Variants in CTNNBL1 observed in about 807,000 individuals in gnomAD.
The protein encoded by CTNNBL1 is beta-catenin-like protein 1.
In CTNNBL1, 31 loss-of-function variants were observed where a neutral mutation model predicts 72.7. The observed-to-expected ratio is 0.43, with a 90% CI of 0.32 to 0.58. CTNNBL1 has a LOEUF of 0.58. Ranked by LOEUF, CTNNBL1 falls within the 20% of genes least tolerant of loss-of-function variation. CTNNBL1 has a pLI of 0.08. For synonymous variants in CTNNBL1, 240 were observed against 267.3 expected (o/e 0.90, Z 1.00); for missense variants, 534 against 725.1 (o/e 0.74, Z 3.03).
intron 1 of CTNNBL1, among the ~76,000 whole-genome samples, chr20:37,728,849 G>A (rs2073106759): frequency 6.6e-6 from 1 of 152,164 alleles, no homozygotes; most frequent in Non-Finnish European, 1.5e-5. Context: ...TGTGTGTGAG[G>A]GAGGAGGTTG....
chr20:37,761,189 A>C (rs2073414546), intron 5 of CTNNBL1, among the ~76,000 whole-genome samples: 1 of 152,208 alleles, frequency 6.6e-6, no homozygotes, highest in Non-Finnish European at 1.5e-5. Context: ...GAGGTGTCCC[A>C]GCCAACAGAG....
At chr20:37,850,807 G>T (rs2072389791) in intron 13 of CTNNBL1, among the ~76,000 whole-genome samples, 1 of 152,196 alleles carries the variant, frequency 6.6e-6, no homozygotes. Flanking sequence ...GACCCGAGTG[G>T]AGGCTTCAGG....
intron 13 of CTNNBL1, among the ~76,000 whole-genome samples, chr20:37,856,628 C>T (rs773339237): frequency 2.0e-5 from 3 of 150,576 alleles, no homozygotes; most frequent in African/African-American, 7.5e-5. Flanking sequence ...TCACACAACG[C>T]GAAGACCATA....
intron 13 of CTNNBL1, among the ~76,000 whole-genome samples, chr20:37,857,962 G>A (rs2072457561): frequency 6.6e-6 from 1 of 152,240 alleles, no homozygotes; most frequent in Middle Eastern, 3.4e-3. Context: ...AGGCCAAGGC[G>A]GGAGGATCAC....
chr20:37,816,899 A>T (rs896616878), intron 11 of CTNNBL1, among the ~76,000 whole-genome samples: 2 of 152,094 alleles, frequency 1.3e-5, no homozygotes, highest in African/African-American at 4.8e-5. Context: ...AATGTTTGCT[A>T]GCCTAGTTAA....
chr20:37,737,067 CA>C (rs1453081638), intron 2 of CTNNBL1, among the ~76,000 whole-genome samples: 1 of 151,672 alleles, frequency 6.6e-6, no homozygotes, highest in Non-Finnish European at 1.5e-5. Context: ...ACTAAAAATA[CA>C]AAAAAATTAG....
At chr20:37,795,572 G>T (rs2073765989) in intron 10 of CTNNBL1, among the ~76,000 whole-genome samples, 1 of 152,134 alleles carries the variant, frequency 6.6e-6, no homozygotes, top group Admixed American at 6.5e-5. Flanking sequence ...ATTTTGGACA[G>T]TTTCTGTCAT....
intron 10 of CTNNBL1, among the ~76,000 whole-genome samples, chr20:37,789,236 G>A (rs2073703822): frequency 6.6e-6 from 1 of 152,240 alleles, no homozygotes; most frequent in Non-Finnish European, 1.5e-5. Flanking sequence ...AAGGCGGAGA[G>A]GACCAGAGTC....
intron 10 of CTNNBL1, among the ~76,000 whole-genome samples, chr20:37,793,493 T>G (rs758157167): frequency 1.3e-5 from 2 of 152,232 alleles, no homozygotes; most frequent in Admixed American, 1.3e-4. Flanking sequence ...CCTTCTGTTA[T>G]GAACTAAACT....
At chr20:37,807,465 G>A (rs533195201) in intron 11 of CTNNBL1, among the ~76,000 whole-genome samples, 7 of 152,264 alleles carry the variant, frequency 4.6e-5, no homozygotes, top group Admixed American at 4.6e-4. Flanking sequence ...ATAACTGTGG[G>A]CAAATGGGCA....
intron 15 of CTNNBL1, among the ~76,000 whole-genome samples, chr20:37,866,991 G>T (rs182816615): frequency 3.4e-4 from 52 of 152,280 alleles, no homozygotes; most frequent in African/African-American, 1.2e-3. Context: ...AAACATCCAT[G>T]GGACTCTGAG....
At chr20:37,747,366 G>A (rs982290522) in intron 4 of CTNNBL1, among the ~76,000 whole-genome samples, 3 of 131,188 alleles carry the variant, frequency 2.3e-5, no homozygotes, top group East Asian at 2.1e-4. Flanking sequence ...CAGAGTGAGT[G>A]GGACTCCATC....
At chr20:37,751,461 C>G (rs2073319248) in intron 4 of CTNNBL1, 1 of 152,154 alleles carries the variant, frequency 6.6e-6, no homozygotes, top group African/African-American at 2.4e-5. Context: ...TTCCAAATGA[C>G]TGTTTAGTTT....
Position 37,803,012 on chromosome 20 carries a change from A to T in CTNNBL1, c.1177A>T (p.Ile393Phe), listed in dbSNP as rs1308871827. ...FPLFMKSPRK[I>F]KKVGTTEKEH... ...CCTCTTTATGAAATCTCCCAGGAAG[A>T]TCAAGAAAGTGGGAACCACTGAGAA... Residue 393 changes from isoleucine (I) to phenylalanine (F), a missense_variant, in exon 11 of 16, where the codon ATC becomes TTC. Ile to Phe is a conservative substitution (Grantham distance 21). Transcript: ENST00000361383. 5.0e-6 allele frequency: 8 copies of T among 1,613,996 alleles called. No homozygotes were observed. The highest frequency in any genetic ancestry group is 6.8e-6 in the Non-Finnish European group (8 of 1,180,008).
Position 37,796,539 on chromosome 20 carries a change from T to A in CTNNBL1, c.1032-6328T>A, listed in dbSNP as rs149109952. Among the ~76,000 whole-genome samples, 1,160 of 152,098 alleles carry A rather than the reference T, an allele frequency of 7.6e-3. 15 individuals carry two copies. The highest frequency in any genetic ancestry group is 0.026 in the South Asian group (127 of 4,814). On this transcript the variant is annotated intron_variant, in intron 10 of 15. Transcript: ENST00000361383. The stretch of plus-strand genomic sequence containing the variant: ...GGCCCAGAGTGGAAGTCCAGCAGTA[T>A]ATGACACTTTTTAAGCTACATTTTC...
chr20:37,721,052 A>T (rs1213207265), intron 1 of CTNNBL1, among the ~76,000 whole-genome samples: 1 of 152,176 alleles, frequency 6.6e-6, no homozygotes, highest in Non-Finnish European at 1.5e-5. Flanking sequence ...GGGGGATGGA[A>T]GGTGATCTGC....
At chr20:37,727,380 G>A (rs762669352) in intron 1 of CTNNBL1, 46 of 982,670 alleles carry the variant, frequency 4.7e-5, no homozygotes, top group Non-Finnish European at 5.4e-5. Context: ...ATCTATTATC[G>A]TGAAGCCTAC....
chr20:37,795,726 G>A (rs552841549), intron 10 of CTNNBL1, among the ~76,000 whole-genome samples: 3 of 151,752 alleles, frequency 2.0e-5, no homozygotes, highest in African/African-American at 4.8e-5. Context: ...TTCATTTTAC[G>A]TATCAATTGT....
At chr20:37,727,787 G>A (rs965431514) in intron 1 of CTNNBL1, among the ~76,000 whole-genome samples, 2 of 152,236 alleles carry the variant, frequency 1.3e-5, no homozygotes, top group African/African-American at 4.8e-5. Flanking sequence ...GTGACAGGCT[G>A]TGAGTGTTAC....
Sources: gnomAD v4.1 joint callset for allele counts (sites outside exome capture counted in the v4.1 genomes callset) on GRCh38, gnomAD v4.1.1 for gene constraint, MANE v1.5 for transcripts, NCBI Gene and HGNC (gene_info 2026-07-23, HGNC 2026-07-21) for gene names.